The following TFEC variants were observed in gnomAD, a reference collection of about 807,000 sequenced individuals.
TFEC encodes class E basic helix-loop-helix protein 34.
TFEC carries 31 observed loss-of-function variants against 41.6 expected under a neutral mutation model. The observed-to-expected ratio is 0.74, with a 90% CI of 0.56 to 1.01. The LOEUF (loss-of-function observed/expected upper bound fraction) is 1.01, where lower values mean the gene tolerates loss of function less well. Among genes scored for constraint, TFEC ranks in the 50% least tolerant of loss-of-function variants. TFEC has a pLI of 0.00. For synonymous variants in TFEC, 143 were observed against 140.6 expected, an observed-to-expected ratio of 1.02 and a Z score of -0.12; for missense variants, 402 against 404.1, an observed-to-expected ratio of 0.99 and a Z score of 0.04.
intron 1 of TFEC, among the ~76,000 whole-genome samples, chr7:116,003,567 A>T (rs1794679433): frequency 6.6e-6 from 1 of 152,178 alleles, no homozygotes; most frequent in South Asian, 2.1e-4. Flanking sequence ...TTCTGCCAGA[A>T]ATGATTGAAT....
intron 1 of TFEC, among the ~76,000 whole-genome samples, chr7:116,156,899 A>G (rs1798880636): frequency 6.6e-6 from 1 of 152,142 alleles, no homozygotes. Context: ...CCACATATAC[A>G]TTTTATACTA....
chr7:115,935,857 G>A lies in TFEC; in HGVS notation c.*4694C>T, dbSNP rs1398258773. ...AATTTCATCAGTAGAAAACACAATA[G>A]AAGTCATCTGATTATGCAGAAATAC... On this transcript the variant is annotated 3_prime_UTR_variant, in exon 8 of 8. Coordinates refer to ENST00000265440, the MANE Select transcript of TFEC (RefSeq NM_012252.4). 2 of 151,442 alleles carry A rather than the reference G, an allele frequency of 1.3e-5. No homozygotes were observed. The highest frequency in any genetic ancestry group is 3.9e-4 in the East Asian group (2 of 5,170). The allele number at this position is 151,442 out of a possible 1,614,324, so 9.4% of individuals were successfully genotyped here.
chr7:115,940,805 G>T lies in TFEC; in HGVS notation c.790C>A (p.Gln264Lys). ...CTTGGCCCCTGAGACACAGTCAGTTGTTGGCAATAGTCTACTGAATTCTGC... is the reference window on the plus strand; with the variant it reads ...CTTGGCCCCTGAGACACAGTCAGTTTTTGGCAATAGTCTACTGAATTCTGC... ...PEQNSVDYCQ[Q>K]LTVSQGPSPE... The change falls in exon 8 of 8, where the codon CAA becomes AAA. Residue 264 changes from glutamine to lysine, a missense_variant. Coordinates refer to ENST00000265440, the MANE Select transcript of TFEC (RefSeq NM_012252.4). 1.2e-6 allele frequency: 2 copies of T among 1,613,530 alleles called. No individual in the cohort carries two copies. The highest frequency in any genetic ancestry group is 1.1e-5 in the South Asian group (1 of 91,072).
chr7:116,158,075 T>A (rs1368264367), intron 1 of TFEC, among the ~76,000 whole-genome samples: 1 of 152,188 alleles, frequency 6.6e-6, no homozygotes, highest in Non-Finnish European at 1.5e-5. Flanking sequence ...TGTTATTCTA[T>A]ATGCATTGAA....
intron 2 of TFEC, among the ~76,000 whole-genome samples, chr7:115,974,779 C>T (rs566112808): frequency 2.2e-4 from 33 of 151,642 alleles, no homozygotes; most frequent in South Asian, 4.2e-4. Flanking sequence ...ATAGAAGAGA[C>T]GGAAACATTT....
Position 115,984,260 on chromosome 7 carries a change from A to C in TFEC, c.180+2T>G. ...ATTTTTATAACCAGCCATTAGACAT[A>C]CATGCCATTGTGCATTGTCATCTTC... On this transcript the variant is annotated splice_donor_variant, in intron 2 of 7. Transcript: ENST00000265440. LOFTEE classifies it high-confidence loss of function. The C allele has an allele frequency of 6.2e-7, 1 of 1,612,796 alleles. No homozygotes were observed. Among genetic ancestry groups the C allele is most frequent in the South Asian group, 1.1e-5 (1 of 91,042 alleles).
At chr7:116,127,895 A>G (rs1798249009) in intron 1 of TFEC, among the ~76,000 whole-genome samples, 1 of 151,924 alleles carries the variant, frequency 6.6e-6, no homozygotes, top group African/African-American at 2.4e-5. Context: ...TTCCTGGTTC[A>G]TTTACCTCTC....
Position 116,094,716 on chromosome 7 carries a change from AAAC to A in TFEC, c.198+15989_198+15991del, listed in dbSNP as rs1797410970. ...AACAAAATAAAAACAAACAAACAAA[AAAC>A]AACAACAAAAAAAACAGAGTACATT... On this transcript the variant is annotated intron_variant, in intron 3 of 8. Transcript: ENST00000484212. Among the ~76,000 whole-genome samples the A allele has an allele frequency of 3.3e-5, 5 of 151,700 alleles. No individual in the cohort carries two copies. The South Asian group carries it at 6.2e-4, about 19-fold the overall frequency.
At chr7:116,050,032 G>T (rs1207420062) in intron 3 of TFEC, among the ~76,000 whole-genome samples, 4 of 152,164 alleles carry the variant, frequency 2.6e-5, no homozygotes, top group Non-Finnish European at 4.4e-5. Context: ...AAGCAGGAAA[G>T]ATCTAAAATT....
intron 3 of TFEC, among the ~76,000 whole-genome samples, chr7:116,052,808 G>A (rs956395755): frequency 3.3e-5 from 5 of 150,154 alleles, no homozygotes; most frequent in African/African-American, 7.3e-5. Flanking sequence ...AGTGGCTCAC[G>A]CCTGTAATCC....
chr7:116,142,927 C>T (rs531446300), intron 1 of TFEC, among the ~76,000 whole-genome samples: 5 of 152,188 alleles, frequency 3.3e-5, no homozygotes, highest in East Asian at 1.9e-4. Flanking sequence ...CATAGACCAC[C>T]GATTATTTAT....
chr7:115,952,930 C>T (rs1487747074), intron 5 of TFEC, among the ~76,000 whole-genome samples: 4 of 152,040 alleles, frequency 2.6e-5, no homozygotes, highest in Admixed American at 6.6e-5. Flanking sequence ...TCTGGGTTAT[C>T]GGCACAAGCA....
intron 3 of TFEC, among the ~76,000 whole-genome samples, chr7:116,051,863 T>C (rs1411152486): frequency 6.6e-6 from 1 of 152,030 alleles, no homozygotes; most frequent in Non-Finnish European, 1.5e-5. Flanking sequence ...TTTCAGATAA[T>C]AAAACTAAGG....
chr7:116,159,126 T>C (rs1437887569), intron 1 of TFEC, among the ~76,000 whole-genome samples: 1 of 151,878 alleles, frequency 6.6e-6, no homozygotes, highest in Non-Finnish European at 1.5e-5. Flanking sequence ...CTATCTGAAA[T>C]AGGATTCAAC....
At chr7:116,012,888 C>T (rs1010264841) in intron 1 of TFEC, among the ~76,000 whole-genome samples, 1 of 147,104 alleles carries the variant, frequency 6.8e-6, no homozygotes, top group Non-Finnish European at 1.5e-5. Context: ...GGCTGGAAAA[C>T]TTTTTATATC....
intron 3 of TFEC, among the ~76,000 whole-genome samples, chr7:115,971,130 A>G (rs146907789): frequency 1.3e-5 from 2 of 152,128 alleles, no homozygotes; most frequent in African/African-American, 4.8e-5. Flanking sequence ...TCTCACTCTT[A>G]GTCTGGGCAA....
chr7:116,126,726 A>G (rs1248983832), intron 1 of TFEC, among the ~76,000 whole-genome samples: 1 of 152,182 alleles, frequency 6.6e-6, no homozygotes, highest in Non-Finnish European at 1.5e-5. Context: ...CACTCCTTTG[A>G]TCCACCACTG....
At chr7:116,102,534 C>A (rs1457797994) in intron 3 of TFEC, among the ~76,000 whole-genome samples, 1 of 151,964 alleles carries the variant, frequency 6.6e-6, no homozygotes, top group African/African-American at 2.4e-5. Flanking sequence ...GTAGCAGCAA[C>A]AATAAAGGAA....
At chr7:116,085,699 T>C (rs1327220888) in intron 3 of TFEC, among the ~76,000 whole-genome samples, 3 of 151,936 alleles carry the variant, frequency 2.0e-5, no homozygotes, top group African/African-American at 7.2e-5. Context: ...AAAATGAAGC[T>C]AAAATGAAAT....
Sources: gnomAD v4.1 joint callset for allele counts (sites outside exome capture counted in the v4.1 genomes callset) on GRCh38, gnomAD v4.1.1 for gene constraint, MANE v1.5 for transcripts, NCBI Gene and HGNC (gene_info 2026-07-23, HGNC 2026-07-21) for gene names.